MALRD1: variants seen among roughly 807,000 people sequenced by gnomAD.
MALRD1 encodes the protein MAM and LDL-receptor class A domain-containing protein 1.
A neutral mutation model predicts 242.1 loss-of-function variants in MALRD1; 247 were observed. The observed-to-expected ratio is 1.02, with a 90% confidence interval of 0.92 to 1.13. The LOEUF (loss-of-function observed/expected upper bound fraction) is 1.13, where lower values mean the gene tolerates loss of function less well. Ranked by LOEUF, MALRD1 falls within the 50% of genes most tolerant of loss-of-function variation. The pLI is 0.00. For missense variants in MALRD1, 2,989 were observed against 2,533.1 expected (o/e 1.18, Z -3.86); for synonymous variants, 995 against 866.6 (o/e 1.15, Z -2.60).
intron 34 of MALRD1, among the ~76,000 whole-genome samples, chr10:19,607,234 C>T (rs578112546): frequency 3.3e-5 from 5 of 152,220 alleles, no homozygotes; most frequent in Middle Eastern, 3.4e-3. Context: ...CACAGGCTGC[C>T]GTAAGAAAAT....
chr10:19,199,878 A>G (rs147291983), intron 14 of MALRD1, among the ~76,000 whole-genome samples: 1 of 152,168 alleles, frequency 6.6e-6, no homozygotes, highest in Non-Finnish European at 1.5e-5. Flanking sequence ...TACCACTTGT[A>G]ATCCCTGAAC....
Position 19,698,564 on chromosome 10 carries a change from T to C in MALRD1, c.6314+6010T>C, listed in dbSNP as rs546592523. ...ATAGTGCGGTATCTTTGGTGAGAAG[T>C]TTTTCCTCTTTCCTGGGAGAAGAAA... On this transcript the variant is annotated intron_variant, in intron 38 of 39. Coordinates refer to ENST00000454679, the MANE Select transcript of MALRD1 (RefSeq NM_001142308.3). 1.6e-3 allele frequency among the ~76,000 whole-genome samples: 240 copies of C among 152,130 alleles called. 1 individual carries two copies. The highest frequency in any genetic ancestry group is 5.3e-3 in the African/African-American group (219 of 41,506).
At chr10:19,428,213 G>A (rs538076170) in intron 28 of MALRD1, among the ~76,000 whole-genome samples, 99 of 151,832 alleles carry the variant, frequency 6.5e-4, no homozygotes, top group African/African-American at 1.6e-3. Flanking sequence ...GCGTTTCACC[G>A]AGATTTCACG....
At chr10:19,420,639 C>T (rs1449515097) in intron 28 of MALRD1, among the ~76,000 whole-genome samples, 1 of 151,950 alleles carries the variant, frequency 6.6e-6, no homozygotes, top group African/African-American at 2.4e-5. Flanking sequence ...TTTTTAAATC[C>T]TTATTATTGT....
At chr10:19,349,915 TC>T (rs1844298883) in intron 25 of MALRD1, among the ~76,000 whole-genome samples, 1 of 151,984 alleles carries the variant, frequency 6.6e-6, no homozygotes, top group Non-Finnish European at 1.5e-5. Context: ...AGAACTAGAG[TC>T]CCCAATGTTT....
chr10:19,136,898 A>C, intron 10 of MALRD1, 117 bp downstream of exon 10: 3 of 592,318 alleles, frequency 5.1e-6, no homozygotes, highest in Non-Finnish European at 7.4e-6. Context: ...AAATGTGATA[A>C]ATATGCATTA....
At chr10:19,262,632 C>A (rs543367792) in intron 19 of MALRD1, among the ~76,000 whole-genome samples, 1 of 143,828 alleles carries the variant, frequency 7.0e-6, no homozygotes, top group Non-Finnish European at 1.5e-5. Context: ...CTCCAGCCTG[C>A]GCGACAGAGC....
chr10:19,267,668 C>A (rs1840025605), intron 19 of MALRD1, among the ~76,000 whole-genome samples: 1 of 152,098 alleles, frequency 6.6e-6, no homozygotes, highest in African/African-American at 2.4e-5. Flanking sequence ...TTGGCGTATT[C>A]ATTATACTTG....
intron 5 of MALRD1, among the ~76,000 whole-genome samples, chr10:19,121,102 G>C (rs972258447): frequency 3.0e-5 from 4 of 135,064 alleles, no homozygotes; most frequent in African/African-American, 8.5e-5. Flanking sequence ...AAAGTGCAGT[G>C]GTGCGATCTC....
chr10:19,581,010 A>T (rs73595849), intron 33 of MALRD1, among the ~76,000 whole-genome samples: 7,264 of 152,152 alleles, frequency 0.048, 498 homozygotes, highest in African/African-American at 0.15. Flanking sequence ...AATAAGATCA[A>T]ATTATTCTTT....
At chr10:19,223,621 A>G (rs563465092) in intron 18 of MALRD1, among the ~76,000 whole-genome samples, 2 of 152,308 alleles carry the variant, frequency 1.3e-5, no homozygotes, top group African/African-American at 4.8e-5. Flanking sequence ...ATAGGTATAC[A>G]TGTGCTGTCG....
chr10:19,094,585 G>A (rs1429320302), intron 4 of MALRD1, among the ~76,000 whole-genome samples: 1 of 151,822 alleles, frequency 6.6e-6, no homozygotes, highest in Non-Finnish European at 1.5e-5. Flanking sequence ...GTAGACCGGA[G>A]CTGTTCCTAT....
rs1833820298 is a variant in MALRD1 at position 19,520,242 on chromosome 10, A to G, written c.5321-10952A>G. ...TTGTAACCACTGTCCTTTAATGTGGATTTCTCAAAACATCCCAAAATGTAT... is the reference window on the plus strand; with the variant it reads ...TTGTAACCACTGTCCTTTAATGTGGGTTTCTCAAAACATCCCAAAATGTAT... On this transcript the variant is annotated intron_variant, in intron 31 of 39. Coordinates refer to ENST00000454679, the MANE Select transcript of MALRD1 (RefSeq NM_001142308.3). Among the ~76,000 whole-genome samples the G allele has an allele frequency of 2.0e-5, 3 of 151,996 alleles. No individual in the cohort carries two copies. The South Asian group carries it at 6.2e-4, about 32-fold the overall frequency.
chr10:19,147,598 A>G (rs1163591971), intron 11 of MALRD1, among the ~76,000 whole-genome samples: 1 of 152,238 alleles, frequency 6.6e-6, no homozygotes, highest in Non-Finnish European at 1.5e-5. Flanking sequence ...ATTATTAAAT[A>G]CATAGCATAG....
intron 34 of MALRD1, among the ~76,000 whole-genome samples, chr10:19,601,637 G>T (rs982756852): frequency 6.6e-6 from 1 of 151,896 alleles, no homozygotes; most frequent in African/African-American, 2.4e-5. Flanking sequence ...TTTATTTTCT[G>T]ATTTTTTAAT....
At chr10:19,380,216 C>T (rs1291045151) in intron 26 of MALRD1, among the ~76,000 whole-genome samples, 2 of 151,380 alleles carry the variant, frequency 1.3e-5, no homozygotes, top group African/African-American at 4.8e-5. Flanking sequence ...CTCAGGTGAT[C>T]CACCTGCCTT....
intron 18 of MALRD1, among the ~76,000 whole-genome samples, chr10:19,251,190 C>T (rs546111658): frequency 1.3e-4 from 20 of 152,098 alleles, no homozygotes; most frequent in African/African-American, 4.8e-4. Context: ...AATGCTTCCA[C>T]AAATGAAATA....
intron 26 of MALRD1, among the ~76,000 whole-genome samples, chr10:19,380,266 C>T (rs1043697774): frequency 5.7e-5 from 7 of 123,794 alleles, no homozygotes; most frequent in Admixed American, 4.4e-4. Flanking sequence ...TGAGCCACTG[C>T]GGCCAGCCTT....
intron 5 of MALRD1, among the ~76,000 whole-genome samples, chr10:19,113,834 C>CACACACACACACACACAG (rs1836777286): frequency 2.0e-5 from 3 of 149,896 alleles, no homozygotes; most frequent in African/African-American, 7.4e-5. Context: ...CACACACAGA[C>CACACACACACACACACAG]ACACACACAC....
Sources: gnomAD v4.1 joint callset for allele counts (sites outside exome capture counted in the v4.1 genomes callset) on GRCh38, gnomAD v4.1.1 for gene constraint, MANE v1.5 for transcripts, NCBI Gene and HGNC (gene_info 2026-07-23, HGNC 2026-07-21) for gene names.